CCDC3: variants seen among roughly 807,000 people sequenced by gnomAD.
The protein encoded by CCDC3 is coiled-coil domain containing 3, also known as coiled-coil domain-containing protein 3.
CCDC3 carries 24 observed loss-of-function variants against 21.4 expected under a neutral mutation model. The ratio of observed to expected loss-of-function variants is 1.12; its 90% CI spans 0.81 to 1.58. The LOEUF (loss-of-function observed/expected upper bound fraction) is 1.58, where lower values mean the gene tolerates loss of function less well. Ranked by LOEUF, CCDC3 falls within the 40% of genes most tolerant of loss-of-function variation. The pLI is 0.00. For missense variants in CCDC3, 425 were observed against 360.9 expected (o/e 1.18, Z -1.44); for synonymous variants, 186 against 166.0 (o/e 1.12, Z -0.93).
At chr10:12,940,653 G>C (rs1834814092) in intron 2 of CCDC3, among the ~76,000 whole-genome samples, 1 of 151,742 alleles carries the variant, frequency 6.6e-6, no homozygotes, top group Admixed American at 6.6e-5. Flanking sequence ...TGGTGGTACC[G>C]AGCAAGAAGC....
At chr10:13,031,099 A>T (rs1836294398) in intron 5 of CCDC3, among the ~76,000 whole-genome samples, 1 of 152,246 alleles carries the variant, frequency 6.6e-6, no homozygotes, top group African/African-American at 2.4e-5. Flanking sequence ...TTGGAAACAG[A>T]GCACTCCTCA....
intron 3 of CCDC3, among the ~76,000 whole-genome samples, chr10:13,090,031 T>TTAGATAGATAGATAGA (rs1314262953): frequency 2.7e-3 from 21 of 7,840 alleles, no homozygotes; most frequent in African/African-American, 3.4e-3. Context: ...TAGTATTCCG[T>TTAGATAGATAGATAGA]TAGATATATA....
At chr10:12,981,177 A>ATT (rs59193619) in intron 2 of CCDC3, among the ~76,000 whole-genome samples, 11,663 of 105,474 alleles carry the variant, frequency 0.11, 1,013 homozygotes, top group East Asian at 0.18. Context: ...CTGGCCCAGG[A>ATT]TTTTTTTTTT....
At chr10:12,925,674 C>G (rs1270597053) in intron 2 of CCDC3, among the ~76,000 whole-genome samples, 1 of 152,228 alleles carries the variant, frequency 6.6e-6, no homozygotes, top group African/African-American at 2.4e-5. Context: ...CTCTTCTTTT[C>G]CAAGGTGGCA....
chr10:13,079,925 G>A (rs17152817), intron 3 of CCDC3, among the ~76,000 whole-genome samples: 30,253 of 151,788 alleles, frequency 0.2, 3,537 homozygotes, highest in East Asian at 0.31. Context: ...GTTAAAAAAA[G>A]AAAGGGAACT....
At position 12,931,476 on chromosome 10, in the gene CCDC3, G is replaced by C. The variant is rs550645948; in HGVS notation, c.550-32797C>G. On this transcript the variant is annotated intron_variant, in intron 2 of 2. Transcript: ENST00000378825. ...GAATGAATTTAGAGTCCATCCATCA[G>C]ATGCTGAAGATCTGAAAGGTGCAAG... Among the ~76,000 whole-genome samples the C allele has an allele frequency of 3.3e-5, 5 of 152,288 alleles. No homozygotes were observed. The East Asian group carries it at 9.7e-4, about 29-fold the overall frequency.
intron 2 of CCDC3, among the ~76,000 whole-genome samples, chr10:12,967,762 A>G (rs987945310): frequency 1.3e-5 from 2 of 152,218 alleles, no homozygotes; most frequent in African/African-American, 4.8e-5. Context: ...CAATAGCAGA[A>G]AACATGCCAA....
intron 2 of CCDC3, among the ~76,000 whole-genome samples, chr10:12,944,940 G>A (rs1320346809): frequency 6.6e-6 from 1 of 152,196 alleles, no homozygotes; most frequent in Non-Finnish European, 1.5e-5. Flanking sequence ...TACCAAGGAT[G>A]GAAGTTCAGG....
At chr10:13,008,925 G>A (rs1835954680) in intron 5 of CCDC3, among the ~76,000 whole-genome samples, 1 of 152,060 alleles carries the variant, frequency 6.6e-6, no homozygotes, top group African/African-American at 2.4e-5. Flanking sequence ...AGTACTGGAG[G>A]TTCTAGTGCA....
Position 12,986,531 on chromosome 10 carries a change from T to C in CCDC3, c.549+11807A>G, listed in dbSNP as rs569039643. On this transcript the variant is annotated intron_variant, in intron 2 of 2. Coordinates refer to ENST00000378825, the MANE Select transcript of CCDC3 (RefSeq NM_031455.4). The stretch of plus-strand genomic sequence containing the variant: ...GGTTCACGCCTGTAATCCCAGCACT[T>C]TGGGAGGCCAAGGCGGGCGGATCAC... 2.0e-5 allele frequency among the ~76,000 whole-genome samples: 3 copies of C among 152,236 alleles called. No homozygotes were observed. The South Asian group carries it at 6.2e-4, about 32-fold the overall frequency.
rs185000292 is a variant in CCDC3, at chr10:12,920,579, G to A, written c.550-21900C>T. On this transcript the variant is annotated intron_variant, in intron 2 of 2. Coordinates refer to ENST00000378825, the MANE Select transcript of CCDC3 (RefSeq NM_031455.4). ...AGAATTTACTACGTATTAGGTTGGC[G>A]CAAAAGTAATCGTGGTTTTTGCCAT... Among the ~76,000 whole-genome samples the A allele has an allele frequency of 3.3e-4, 50 of 152,302 alleles. 1 individual carries two copies. Among genetic ancestry groups the A allele is most frequent in the African/African-American group, 1.0e-3 (43 of 41,560 alleles).
intron 2 of CCDC3, among the ~76,000 whole-genome samples, chr10:12,909,108 A>G (rs1427239449): frequency 6.6e-6 from 1 of 152,208 alleles, no homozygotes; most frequent in Admixed American, 6.5e-5. Flanking sequence ...GACATCTTCC[A>G]ACCTTGGATG....
intron 3 of CCDC3, among the ~76,000 whole-genome samples, chr10:13,081,513 G>C (rs1009500945): frequency 2.0e-5 from 3 of 152,188 alleles, no homozygotes; most frequent in African/African-American, 7.2e-5. Flanking sequence ...CACCATCAGA[G>C]TCATGGGCCA....
intron 2 of CCDC3, among the ~76,000 whole-genome samples, chr10:12,955,409 C>G (rs1036885014): frequency 6.6e-6 from 1 of 152,190 alleles, no homozygotes; most frequent in African/African-American, 2.4e-5. Flanking sequence ...GAAAATACAG[C>G]CTTTCTTAGG....
intron 2 of CCDC3, among the ~76,000 whole-genome samples, chr10:12,995,904 T>C (rs542208764): frequency 3.9e-5 from 6 of 152,334 alleles, no homozygotes; most frequent in African/African-American, 1.4e-4. Flanking sequence ...AAAAATCTAA[T>C]TCCAGAAAAA....
In CCDC3 at chr10:13,066,582, A is replaced by G. The variant is rs1836821689; in HGVS notation, c.-270+7286T>C. 5.3e-5 allele frequency among the ~76,000 whole-genome samples: 8 copies of G among 152,364 alleles called. No individual in the cohort carries two copies. In the South Asian group the frequency reaches 1.7e-3, roughly 32 times the overall value. The stretch of plus-strand genomic sequence containing the variant: ...AATTAAGGCAAACAGCAAAACCCAT[A>G]GTATTTGTATACCATGATGAGACAG... On this transcript the variant is annotated intron_variant, in intron 4 of 6. Coordinates refer to the CCDC3 transcript ENST00000378839.
chr10:13,041,001 C>T (rs80106031), intron 5 of CCDC3, among the ~76,000 whole-genome samples: 2,366 of 152,206 alleles, frequency 0.016, 31 homozygotes, highest in Non-Finnish European at 0.025. Context: ...TTCTCAAGGG[C>T]TCAGCCTCAA....
At chr10:13,047,523 T>A (rs765185421) in intron 5 of CCDC3, among the ~76,000 whole-genome samples, 7 of 152,222 alleles carry the variant, frequency 4.6e-5, no homozygotes, top group Non-Finnish European at 8.8e-5. Context: ...TAGCAAAGAC[T>A]AAAGAAACCT....
At chr10:13,065,551 G>T (rs907880619) in intron 4 of CCDC3, among the ~76,000 whole-genome samples, 6 of 152,134 alleles carry the variant, frequency 3.9e-5, no homozygotes, top group Non-Finnish European at 5.9e-5. Flanking sequence ...TAGGCTTATG[G>T]ATATTAAGAA....
Sources: allele counts gnomAD v4.1 joint callset (sites outside exome capture counted in the v4.1 genomes callset), GRCh38; gene constraint gnomAD v4.1.1; transcripts MANE v1.5; gene names NCBI Gene and HGNC (gene_info 2026-07-23, HGNC 2026-07-21).